The following ULK4 variants were observed in gnomAD, a reference collection of about 807,000 sequenced individuals.
ULK4 encodes the protein inactive serine/threonine-protein kinase ULK4.
ULK4 carries 133 observed loss-of-function variants against 160.6 expected under a neutral mutation model. The ratio of observed to expected loss-of-function variants is 0.83; its 90% CI spans 0.72 to 0.96. The LOEUF (loss-of-function observed/expected upper bound fraction) is 0.96, where lower values mean the gene tolerates loss of function less well. ULK4 is among the 40% of genes least tolerant of loss of function. The pLI, the probability that ULK4 is intolerant of heterozygous loss-of-function variation, is 0.00. For missense variants in ULK4, 1,580 were observed against 1,499.5 expected (o/e 1.05, Z -0.89); for synonymous variants, 534 against 539.8 (o/e 0.99, Z 0.15).
chr3:41,806,163 C>T (rs1354603113), intron 19 of ULK4, among the ~76,000 whole-genome samples: 3 of 147,674 alleles, frequency 2.0e-5, no homozygotes, highest in Admixed American at 6.7e-5. Context: ...AATTTCAGAG[C>T]CTGTTATTGG....
At chr3:41,485,196 A>G (rs72871143) in intron 32 of ULK4, among the ~76,000 whole-genome samples, 3,600 of 152,260 alleles carry the variant, frequency 0.024, 149 homozygotes, top group African/African-American at 0.08. Context: ...GCTATTACCC[A>G]TTTTGCAAGA....
chr3:41,858,135 T>G (rs1057036802), intron 17 of ULK4, among the ~76,000 whole-genome samples: 64 of 115,470 alleles, frequency 5.5e-4, no homozygotes, highest in African/African-American at 3.3e-3. Flanking sequence ...TCCCATAGGG[T>G]TTTTTTTGTT....
chr3:41,448,960 A>G (rs1436885067), intron 34 of ULK4, among the ~76,000 whole-genome samples: 3 of 151,982 alleles, frequency 2.0e-5, no homozygotes, highest in Non-Finnish European at 4.4e-5. Flanking sequence ...ATCTCAGCTC[A>G]CTGCAACCTC....
intron 35 of ULK4, among the ~76,000 whole-genome samples, chr3:41,264,603 T>TA (rs1490574134): frequency 6.6e-6 from 1 of 152,170 alleles, no homozygotes; most frequent in Non-Finnish European, 1.5e-5. Flanking sequence ...GTGAGATTCC[T>TA]ATCAGAAATA....
intron 29 of ULK4, among the ~76,000 whole-genome samples, chr3:41,667,373 T>C (rs1438635403): frequency 6.6e-6 from 1 of 152,210 alleles, no homozygotes; most frequent in African/African-American, 2.4e-5. Context: ...TGGGCATGTT[T>C]AGAATATAGA....
chr3:41,310,494 A>G (rs1432337168), intron 35 of ULK4, among the ~76,000 whole-genome samples: 1 of 152,176 alleles, frequency 6.6e-6, no homozygotes, highest in Non-Finnish European at 1.5e-5. Flanking sequence ...AAACACAGTA[A>G]ATAATAACAC....
intron 31 of ULK4, among the ~76,000 whole-genome samples, chr3:41,596,721 A>G (rs2125654326): frequency 6.6e-6 from 1 of 152,242 alleles, no homozygotes; most frequent in South Asian, 2.1e-4. Flanking sequence ...TGTGTGCATG[A>G]GGTGTGCGTA....
intron 21 of ULK4, among the ~76,000 whole-genome samples, chr3:41,783,465 G>A (rs2039913540): frequency 6.6e-6 from 1 of 151,820 alleles, no homozygotes. Flanking sequence ...TGAACCAGGA[G>A]GCGAAGGTTG....
chr3:41,627,878 G>A (rs529926031), intron 30 of ULK4, among the ~76,000 whole-genome samples: 3 of 152,282 alleles, frequency 2.0e-5, no homozygotes, highest in South Asian at 4.1e-4. Flanking sequence ...GATGTGGGGA[G>A]GGGCAGGCAT....
At position 41,717,872 on chromosome 3, in the gene ULK4, G is replaced by A. The variant is rs778035462; in HGVS notation, c.2322-11C>T. ...ATGTACATCACCAGTCTACATACAG[G>A]AAAGTGCAAAGATTACCTCTCATGA... On this transcript the variant is annotated splice_polypyrimidine_tract_variant and intron_variant, in intron 22 of 36. Transcript: ENST00000301831. 10 of 1,612,930 alleles carry A rather than the reference G, an allele frequency of 6.2e-6. No individual in the cohort carries two copies. The highest frequency in any genetic ancestry group is 8.5e-6 in the Non-Finnish European group (10 of 1,179,302).
chr3:41,606,695 G>T (rs2032399365), intron 31 of ULK4, among the ~76,000 whole-genome samples: 2 of 151,982 alleles, frequency 1.3e-5, no homozygotes, highest in African/African-American at 4.8e-5. Context: ...TCACGATTTT[G>T]ATTTGCATTT....
chr3:41,747,537 T>C (rs1406183458), intron 22 of ULK4, among the ~76,000 whole-genome samples: 1 of 152,120 alleles, frequency 6.6e-6, no homozygotes, highest in Non-Finnish European at 1.5e-5. Flanking sequence ...CTTAGTGTTA[T>C]AAACTGAATT....
chr3:41,574,899 A>C (rs1216833447), intron 31 of ULK4, among the ~76,000 whole-genome samples: 4 of 151,728 alleles, frequency 2.6e-5, no homozygotes, highest in African/African-American at 9.7e-5. Flanking sequence ...GTGGGGCTTA[A>C]ATCTGGAAGG....
intron 1 of ULK4, among the ~76,000 whole-genome samples, chr3:41,959,421 G>A (rs1474219): frequency 0.69 from 103,056 of 150,398 alleles, 38,815 homozygotes; most frequent in East Asian, 0.83. Context: ...CAGCTATTCC[G>A]GAGGCTGAAG....
chr3:41,255,460 GC>G (rs772592544), intron 35 of ULK4, among the ~76,000 whole-genome samples: 15 of 152,150 alleles, frequency 9.9e-5, no homozygotes, highest in Non-Finnish European at 1.6e-4. Flanking sequence ...TCCAGCTTGG[GC>G]AACAAGAGCG....
intron 35 of ULK4, among the ~76,000 whole-genome samples, chr3:41,284,052 A>G (rs183926860): frequency 6.6e-6 from 1 of 152,244 alleles, no homozygotes; most frequent in Admixed American, 6.5e-5. Flanking sequence ...AAACTACAAA[A>G]CACTGCTGAA....
At chr3:41,486,026 C>T (rs2084514872) in intron 32 of ULK4, among the ~76,000 whole-genome samples, 1 of 152,144 alleles carries the variant, frequency 6.6e-6, no homozygotes, top group Admixed American at 6.5e-5. Flanking sequence ...ACTGCCGTTC[C>T]TTGGTTTGCT....
chr3:41,462,964 A>G (rs2083724026), intron 33 of ULK4, 123 bp downstream of exon 33: 7 of 1,202,946 alleles, frequency 5.8e-6, no homozygotes, highest in Non-Finnish European at 7.9e-6. Flanking sequence ...GACACTCTCT[A>G]TAGAATTATA....
intron 32 of ULK4, among the ~76,000 whole-genome samples, chr3:41,508,389 C>T (rs557311461): frequency 5.3e-5 from 8 of 152,236 alleles, no homozygotes; most frequent in East Asian, 3.9e-4. Context: ...ATCTCTTGGG[C>T]GCTCTATGGC....
Sources: gnomAD v4.1 joint callset for allele counts (sites outside exome capture counted in the v4.1 genomes callset) on GRCh38, gnomAD v4.1.1 for gene constraint, MANE v1.5 for transcripts, NCBI Gene and HGNC (gene_info 2026-07-23, HGNC 2026-07-21) for gene names.